MYO7B: variants seen among roughly 807,000 people sequenced by gnomAD.
MYO7B encodes the protein myosin VIIB.
MYO7B carries 212 observed loss-of-function variants against 259.7 expected under a neutral mutation model. That is an observed-to-expected ratio of 0.82 (90% CI 0.73 to 0.91). The LOEUF (loss-of-function observed/expected upper bound fraction) is 0.91, where lower values mean the gene tolerates loss of function less well. Ranked by LOEUF, MYO7B falls within the 40% of genes least tolerant of loss-of-function variation. The pLI is 0.00. For synonymous variants in MYO7B, 1,197 were observed against 1,166.4 expected, an observed-to-expected ratio of 1.03 and a Z score of -0.54; for missense variants, 2,732 against 2,813.5, an observed-to-expected ratio of 0.97 and a Z score of 0.66.
intron 1 of MYO7B, among the ~76,000 whole-genome samples, chr2:127,536,745 T>C (rs537859679): frequency 6.6e-6 from 1 of 152,310 alleles, no homozygotes; most frequent in East Asian, 1.9e-4. Context: ...ATCAGAACCC[T>C]GCACTTTGTT....
Position 127,620,363 on chromosome 2 carries a change from G to A in MYO7B, c.3422G>A (p.Cys1141Tyr), listed in dbSNP as rs752911855. 2 of 1,612,500 alleles carry A rather than the reference G, an allele frequency of 1.2e-6. No homozygotes were observed. The highest frequency in any genetic ancestry group is 2.2e-5 in the South Asian group (2 of 90,934). ...AGGGATGAGATTTACTGCCAGATCT[G>A]CAAGCAGCTCTCGGAGAACTTCAAA... Reference protein sequence around the residue: ...SLRDEIYCQICKQLSENFKTS... With the variant: ...SLRDEIYCQIYKQLSENFKTS... Residue 1141 changes from cysteine (C) to tyrosine (Y), a missense_variant, in exon 27 of 48, where the codon TGC (cysteine) becomes TAC (tyrosine). By Grantham distance (194) the Cys-to-Tyr change is radical. This residue lies in a region of MYO7B where 1,906 missense variants were observed against 2,026.4 expected (regional missense o/e 0.94). Transcript: ENST00000409816.
chr2:127,628,437 C>A lies in MYO7B; in HGVS notation c.4526C>A (p.Pro1509His), dbSNP rs1019576818. The part of the protein sequence containing the change: ...TMHEEYEFVS[P>H]SSVAIAELVA... ...CATGAGGAGTACGAGTTTGTGTCAC[C>A]CAGCAGTGTGGCCATCGCTGAGCTG... The change falls in exon 34 of 48, where the codon CCC (proline) becomes CAC (histidine). Residue 1509 changes from proline (P) to histidine (H), a missense_variant. By Grantham distance (77) the Pro-to-His change is moderately conservative (BLOSUM62 -2). Coordinates refer to ENST00000409816, the MANE Select transcript of MYO7B (RefSeq NM_001393586.1). The surrounding 1 kb of genome is among the most constrained non-coding windows in gnomAD (Gnocchi z 4.8). The A allele has an allele frequency of 1.0e-5, 16 of 1,593,284 alleles. No homozygotes were observed. The highest frequency in any genetic ancestry group is 2.7e-5 in the African/African-American group (2 of 74,692).
At chr2:127,592,994 C>T in intron 17 of MYO7B, 48 bp downstream of exon 17, 5 of 1,410,438 alleles carry the variant, frequency 3.5e-6, no homozygotes, top group Non-Finnish European at 4.6e-6. Flanking sequence ...GCGGCCTTCC[C>T]CTCGGCCTTG....
rs1680516139 is a variant in MYO7B at position 127,614,969 on chromosome 2, C to CCA, written c.3398+2374_3398+2375dup. On this transcript the variant is annotated intron_variant, in intron 26 of 47. Transcript: ENST00000409816. The surrounding 1 kb of genome is among the most constrained non-coding windows in gnomAD (Gnocchi z 4.6). ...CCCTGTTCCACATCTGTCACACATT[C>CCA]CACACACACTTGCTCATTACCCACT... Among the ~76,000 whole-genome samples, 2 of 152,216 alleles carry CCA rather than the reference C, an allele frequency of 1.3e-5. No homozygotes were observed. The highest frequency in any genetic ancestry group is 4.8e-5 in the African/African-American group (2 of 41,444).
rs778054402 is a variant in MYO7B at position 127,634,171 on chromosome 2, T to C, written c.5512-5T>C. ...CCGGGCCTCACCAGCTGCCTCTCTGTCCAGATGCTGGAGGTGGTTGCCAAC... is the reference window on the plus strand; with the variant it reads ...CCGGGCCTCACCAGCTGCCTCTCTGCCCAGATGCTGGAGGTGGTTGCCAAC... On this transcript the variant is annotated splice_polypyrimidine_tract_variant and splice_region_variant and intron_variant, in intron 40 of 47. Transcript: ENST00000409816. 3 of 1,596,742 alleles carry C rather than the reference T, an allele frequency of 1.9e-6. No homozygotes were observed. In the African/African-American group the frequency reaches 4.0e-5, roughly 21 times the overall value.
At chr2:127,618,305 TAA>T (rs1680666104) in intron 26 of MYO7B, among the ~76,000 whole-genome samples, 1 of 152,174 alleles carries the variant, frequency 6.6e-6, no homozygotes, top group African/African-American at 2.4e-5. Context: ...GAAACTGTTT[TAA>T]AGGGGCCAGG....
intron 1 of MYO7B, among the ~76,000 whole-genome samples, chr2:127,544,356 T>C (rs1693130443): frequency 1.3e-5 from 2 of 152,184 alleles, no homozygotes; most frequent in South Asian, 2.1e-4. Context: ...AAACTGCCAA[T>C]ATGTGACCTT....
At chr2:127,634,830 GGCGGTGAGGGCCA>G in intron 42 of MYO7B, 147 bp downstream of exon 42, 1 of 768,382 alleles carries the variant, frequency 1.3e-6, no homozygotes, top group Non-Finnish European at 2.2e-6. Context: ...CCTGGGGCCC[GGCGGTGAGGGCCA>G]GCTCAGGCAG....
chr2:127,614,430 C>T lies in MYO7B; in HGVS notation c.3398+1827C>T, dbSNP rs924076543. 6.6e-6 allele frequency among the ~76,000 whole-genome samples: 1 copy of T among 152,170 alleles called. No homozygotes were observed. The highest frequency in any genetic ancestry group is 2.4e-5 in the African/African-American group (1 of 41,434). Reference sequence around the variant, plus strand: ...CCTGCCCAACCATACAGTACATGTACAGCTCCCATCTCCTGTCCTCTCTCC... The same window carrying T: ...CCTGCCCAACCATACAGTACATGTATAGCTCCCATCTCCTGTCCTCTCTCC... On this transcript the variant is annotated intron_variant, in intron 26 of 47. Coordinates refer to ENST00000409816, the MANE Select transcript of MYO7B (RefSeq NM_001393586.1). The surrounding 1 kb of genome is among the most constrained non-coding windows in gnomAD (Gnocchi z 4.6).
intron 24 of MYO7B, 87 bp from the exon 25 acceptor site, chr2:127,612,162 CA>C (rs1367664196): frequency 4.0e-6 from 2 of 498,430 alleles, no homozygotes; most frequent in East Asian, 1.1e-4. Flanking sequence ...GTGAAAGGGA[CA>C]CGTGCTCCAC....
At chr2:127,572,598 T>A (rs911926075) in intron 6 of MYO7B, among the ~76,000 whole-genome samples, 3 of 151,212 alleles carry the variant, frequency 2.0e-5, no homozygotes, top group Non-Finnish European at 2.9e-5. Context: ...CCTTTCTTTT[T>A]CTCCTTCTCT....
chr2:127,600,717 A>G (rs1679937956), intron 19 of MYO7B, among the ~76,000 whole-genome samples: 2 of 151,960 alleles, frequency 1.3e-5, no homozygotes, highest in African/African-American at 4.8e-5. Flanking sequence ...TCTCAAAAAA[A>G]CAAAACAAAA....
chr2:127,543,603 C>G (rs949363012), intron 1 of MYO7B, among the ~76,000 whole-genome samples: 1 of 152,016 alleles, frequency 6.6e-6, no homozygotes, highest in African/African-American at 2.4e-5. Context: ...AAAGTCTCTT[C>G]CCTCCTTCCA....
chr2:127,608,171 A>T (rs1680230790), intron 21 of MYO7B, among the ~76,000 whole-genome samples: 1 of 152,182 alleles, frequency 6.6e-6, no homozygotes. Context: ...TGCTCCATGG[A>T]TGAAAACTTG....
At chr2:127,569,207 C>CAAA (rs35076829) in intron 5 of MYO7B, among the ~76,000 whole-genome samples, 60 of 77,322 alleles carry the variant, frequency 7.8e-4, no homozygotes, top group Admixed American at 1.1e-3. Flanking sequence ...GACTCCGTCT[C>CAAA]AAAAAAAAAA....
At chr2:127,608,249 C>A (rs1203133951) in intron 21 of MYO7B, among the ~76,000 whole-genome samples, 2 of 152,228 alleles carry the variant, frequency 1.3e-5, no homozygotes, top group Non-Finnish European at 2.9e-5. Flanking sequence ...GACACGTCAG[C>A]AGCATGCTTC....
At chr2:127,630,270 C>T (rs1681397952) in intron 35 of MYO7B, among the ~76,000 whole-genome samples, 2 of 149,754 alleles carry the variant, frequency 1.3e-5, no homozygotes, top group East Asian at 1.9e-4. Flanking sequence ...GGCATAATAG[C>T]AGCTCCACCC....
At position 127,584,148 on chromosome 2, in the gene MYO7B, C is replaced by T. The variant is rs776438650; in HGVS notation, c.1370C>T (p.Ala457Val). 5.6e-6 allele frequency: 9 copies of T among 1,613,558 alleles called. No homozygotes were observed. Among genetic ancestry groups the T allele is most frequent in the Non-Finnish European group, 5.9e-6 (7 of 1,179,792 alleles). ...TTCGAGCAGCTCTGCATCAACTTCG[C>T]CAACGAGCACCTGCAGCAGTTCTTT... ...NSFEQLCINF[A>V]NEHLQQFFVQ... is the part of the protein sequence containing the mutation. Residue 457 changes from alanine to valine, a missense_variant, in exon 13 of 48, where the codon GCC becomes GTC. This residue lies in a region of MYO7B where 1,906 missense variants were observed against 2,026.4 expected (regional missense o/e 0.94). Transcript: ENST00000409816. This position sits in a 1 kb window ranked among gnomAD's most constrained non-coding sequence, Gnocchi z 5.8.
chr2:127,577,486 T>C lies in MYO7B; in HGVS notation c.850-647T>C, dbSNP rs924643402. 2.6e-5 allele frequency among the ~76,000 whole-genome samples: 4 copies of C among 151,988 alleles called. No individual in the cohort carries two copies. The highest frequency in any genetic ancestry group is 2.9e-5 in the Non-Finnish European group (2 of 67,970). ...TAGAAGTCCAAACTCCTCCATGTGG[T>C]TTCCAGGTCCCTCCAAGATCTGCCC... is the stretch of plus-strand genomic sequence containing the variant. On this transcript the variant is annotated intron_variant, in intron 8 of 47. Transcript: ENST00000409816. The surrounding 1 kb of genome is among the most constrained non-coding windows in gnomAD (Gnocchi z 5.2).
Sources: allele counts gnomAD v4.1 joint callset (sites outside exome capture counted in the v4.1 genomes callset), GRCh38; gene constraint gnomAD v4.1.1; regional missense constraint gnomAD v4.1.1; non-coding constraint Gnocchi (gnomAD v3.1); transcripts MANE v1.5; gene names NCBI Gene and HGNC (gene_info 2026-07-23, HGNC 2026-07-21).